FGD6: variants seen among roughly 807,000 people sequenced by gnomAD.
FGD6 encodes the protein FYVE, RhoGEF and PH domain-containing protein 6.
FGD6 carries 90 observed loss-of-function variants against 149.4 expected under a neutral mutation model. The observed-to-expected ratio is 0.60, with a 90% CI of 0.51 to 0.72. The LOEUF (loss-of-function observed/expected upper bound fraction) is 0.72. FGD6 is among the 30% of genes least tolerant of loss of function. FGD6 has a pLI of 0.00. For synonymous variants in FGD6, 527 were observed against 584.0 expected (o/e 0.90, Z 1.41); for missense variants, 1,437 against 1,684.8 (o/e 0.85, Z 2.57).
intron 2 of FGD6, among the ~76,000 whole-genome samples, chr12:95,173,818 G>C (rs1182712061): frequency 6.6e-6 from 1 of 152,074 alleles, no homozygotes; most frequent in African/African-American, 2.4e-5. Flanking sequence ...GGCTCTTTCA[G>C]CAGGTCACAG....
intron 2 of FGD6, among the ~76,000 whole-genome samples, chr12:95,178,564 AT>A (rs1028550790): frequency 2.6e-5 from 4 of 152,280 alleles, no homozygotes; most frequent in African/African-American, 9.6e-5. Context: ...ACATCTATCA[AT>A]TTTTTTATGT....
intron 2 of FGD6, among the ~76,000 whole-genome samples, chr12:95,193,617 C>T (rs575918634): frequency 6.6e-6 from 1 of 151,876 alleles, no homozygotes; most frequent in East Asian, 1.9e-4. Flanking sequence ...CAACTTCTGC[C>T]TCCTGGGTTC....
At chr12:95,158,350 T>C (rs1313923401) in intron 3 of FGD6, among the ~76,000 whole-genome samples, 2 of 149,864 alleles carry the variant, frequency 1.3e-5, no homozygotes, top group Non-Finnish European at 3.0e-5. Flanking sequence ...TTTTTTTTTG[T>C]ATTTTTAGTA....
intron 5 of FGD6, among the ~76,000 whole-genome samples, chr12:95,144,157 A>C (rs1879938491): frequency 1.3e-5 from 2 of 152,228 alleles, no homozygotes; most frequent in Non-Finnish European, 2.9e-5. Flanking sequence ...TGAACTGACC[A>C]GTGAGATGGC....
At chr12:95,143,293 G>GT (rs60987519) in intron 5 of FGD6, among the ~76,000 whole-genome samples, 59 of 141,880 alleles carry the variant, frequency 4.2e-4, no homozygotes, top group Middle Eastern at 7.3e-3. Context: ...GTTTTTTTTT[G>GT]TTTTTTTTTT....
At chr12:95,099,588 C>A (rs963354033) in intron 14 of FGD6, among the ~76,000 whole-genome samples, 21 of 152,176 alleles carry the variant, frequency 1.4e-4, no homozygotes, top group African/African-American at 4.3e-4. Context: ...CTGCAGAGCC[C>A]ACATTCAGCC....
At chr12:95,124,423 T>G (rs1202020198) in intron 8 of FGD6, among the ~76,000 whole-genome samples, 1 of 152,176 alleles carries the variant, frequency 6.6e-6, no homozygotes, top group Non-Finnish European at 1.5e-5. Context: ...AAGCGAAGAA[T>G]AAAGCAAATG....
At chr12:95,111,302 G>C (rs552813985) in intron 9 of FGD6, among the ~76,000 whole-genome samples, 1 of 152,038 alleles carries the variant, frequency 6.6e-6, no homozygotes, top group Non-Finnish European at 1.5e-5. Flanking sequence ...TATGATTGCT[G>C]TGCCTCTGGC....
intron 2 of FGD6, among the ~76,000 whole-genome samples, chr12:95,174,821 G>C (rs11107923): frequency 1.3e-5 from 2 of 151,266 alleles, no homozygotes; most frequent in Admixed American, 6.6e-5. Flanking sequence ...CCAGCTACTC[G>C]GGAGGCTGAG....
At chr12:95,114,385 C>A (rs1409218910) in intron 8 of FGD6, among the ~76,000 whole-genome samples, 3 of 150,950 alleles carry the variant, frequency 2.0e-5, no homozygotes, top group Admixed American at 6.6e-5. Context: ...GGGGGTGGAT[C>A]ACTTGAAGTC....
At chr12:95,179,497 T>C (rs532533272) in intron 2 of FGD6, among the ~76,000 whole-genome samples, 1 of 152,034 alleles carries the variant, frequency 6.6e-6, no homozygotes, top group African/African-American at 2.4e-5. Flanking sequence ...ACCAAGACCT[T>C]GTCTCATAAA....
At position 95,078,323 on chromosome 12, in the gene FGD6, A is replaced by G. The variant is rs1304331475; in HGVS notation, c.*3197T>C. 2 of 152,240 alleles carry G rather than the reference A, an allele frequency of 1.3e-5. No individual in the cohort carries two copies. The highest frequency in any genetic ancestry group is 4.8e-5 in the African/African-American group (2 of 41,466). The allele number at this position is 152,240 out of a possible 1,614,324, so 9.4% of individuals were successfully genotyped here. A position where few individuals can be genotyped will look rare whatever the true frequency, so the allele number is the denominator to read the frequency against. ...CTACATTTGACTAAAGTGGATTTCA[A>G]ACTTTTCAAAAGCTGAGCACAATGG... On this transcript the variant is annotated 3_prime_UTR_variant, in exon 21 of 21. Transcript: ENST00000343958.
intron 13 of FGD6, among the ~76,000 whole-genome samples, chr12:95,105,793 G>A (rs112546491): frequency 1.2e-4 from 19 of 152,308 alleles, no homozygotes; most frequent in African/African-American, 4.3e-4. Flanking sequence ...GGATGCGACG[G>A]TGGGTGGATC....
chr12:95,130,252 A>T lies in FGD6; in HGVS notation c.3082+4487T>A, dbSNP rs573154253. On this transcript the variant is annotated intron_variant, in intron 8 of 20. Transcript: ENST00000343958. ...CTGGGGATTTCCGCTGATCTTTTCTAAAAGGATTCCAGAAGAAACCATCTT... is the reference window on the plus strand; with the variant it reads ...CTGGGGATTTCCGCTGATCTTTTCTTAAAGGATTCCAGAAGAAACCATCTT... 8.9e-3 allele frequency among the ~76,000 whole-genome samples: 1,357 copies of T among 152,324 alleles called. 8 individuals are homozygous for T. Among genetic ancestry groups the T allele is most frequent in the Non-Finnish European group, 0.015 (1,006 of 68,030 alleles).
rs1160204757 is a variant in FGD6, at chr12:95,092,949, A to G, written c.3601-104T>C. The G allele has an allele frequency of 7.6e-6, 10 of 1,307,926 alleles. No homozygotes were observed. The African/African-American group carries it at 1.3e-4, about 17-fold the overall frequency. 81.0% of individuals were successfully genotyped at this position (1,307,926 alleles called of 1,614,324 possible). A position where few individuals can be genotyped will look rare whatever the true frequency, so the allele number is the denominator to read the frequency against. ...CAAGATGGGGATGAGGGTCAGGCAC[A>G]GCAGCTCACGCCTGTAATCCCAGCA... On this transcript the variant is annotated intron_variant, in intron 15 of 20. Coordinates refer to ENST00000343958, the MANE Select transcript of FGD6 (RefSeq NM_018351.4).
intron 8 of FGD6, among the ~76,000 whole-genome samples, chr12:95,130,188 T>C (rs1335860614): frequency 1.3e-5 from 2 of 152,014 alleles, no homozygotes; most frequent in Non-Finnish European, 2.9e-5. Context: ...TGGAAGACAA[T>C]ACCATGGTTA....
intron 2 of FGD6, among the ~76,000 whole-genome samples, chr12:95,190,061 A>G (rs1354983556): frequency 6.7e-6 from 1 of 150,004 alleles, no homozygotes; most frequent in African/African-American, 2.5e-5. Context: ...GATGTACTAT[A>G]TTAAATAGTT....
At chr12:95,179,216 C>G (rs1413425773) in intron 2 of FGD6, among the ~76,000 whole-genome samples, 4 of 152,016 alleles carry the variant, frequency 2.6e-5, no homozygotes, top group Non-Finnish European at 5.9e-5. Context: ...ATAATCAGAG[C>G]CGGGGTGGTG....
chr12:95,177,825 T>C (rs1023692752), intron 2 of FGD6, among the ~76,000 whole-genome samples: 5 of 152,214 alleles, frequency 3.3e-5, no homozygotes, highest in South Asian at 2.1e-4. Flanking sequence ...AGGAAACATT[T>C]CCTTCTGTTA....
Sources: gnomAD v4.1 joint callset for allele counts (sites outside exome capture counted in the v4.1 genomes callset) on GRCh38, gnomAD v4.1.1 for gene constraint, MANE v1.5 for transcripts, NCBI Gene and HGNC (gene_info 2026-07-23, HGNC 2026-07-21) for gene names.